The following GGPS1 variants were observed in gnomAD, a reference collection of about 807,000 sequenced individuals.
GGPS1 encodes geranylgeranyl diphosphate synthase 1, also known as geranylgeranyl pyrophosphate synthase.
A neutral mutation model predicts 28.1 loss-of-function variants in GGPS1; 15 were observed. The observed-to-expected ratio is 0.53, with a 90% CI of 0.36 to 0.82. GGPS1 has a LOEUF of 0.82. GGPS1 is among the 40% of genes least tolerant of loss of function. The pLI, the probability that GGPS1 is intolerant of heterozygous loss-of-function variation, is 0.01. For synonymous variants in GGPS1, 138 were observed against 122.4 expected (o/e 1.13, Z -0.84); for missense variants, 284 against 348.3 (o/e 0.82, Z 1.47).
intron 2 of GGPS1, among the ~76,000 whole-genome samples, chr1:235,340,681 A>G (rs868731076): frequency 7.4e-6 from 1 of 135,222 alleles, no homozygotes; most frequent in Non-Finnish European, 1.5e-5. Context: ...GCTTGCAGTG[A>G]GCCGAGATCG....
intron 2 of GGPS1, among the ~76,000 whole-genome samples, chr1:235,341,100 C>A (rs928546537): frequency 1.9e-4 from 29 of 152,222 alleles, no homozygotes; most frequent in Admixed American, 7.9e-4. Flanking sequence ...GAGGCCGATG[C>A]GGGTGTATCG....
chr1:235,343,108 TA>T lies in GGPS1; in HGVS notation c.*337del, dbSNP rs763138289. The T allele has an allele frequency of 3.2e-4, 60 of 189,668 alleles. 1 individual carries two copies. The highest frequency in any genetic ancestry group is 2.4e-3 in the Admixed American group (40 of 16,866). The allele number at this position is 189,668 out of a possible 1,614,324, so 11.7% of individuals were successfully genotyped here. ...ACTTGCTTCCAGGAATTTTTATCCATACACTTTCTAACTGTACTATCTGGGC... is the reference window on the plus strand; with the variant it reads ...ACTTGCTTCCAGGAATTTTTATCCATCACTTTCTAACTGTACTATCTGGGC... On this transcript the variant is annotated 3_prime_UTR_variant, in exon 4 of 4. Coordinates refer to ENST00000282841, the MANE Select transcript of GGPS1 (RefSeq NM_004837.4).
rs376480594 is a variant in GGPS1, at chr1:235,335,332, C to G, written c.68C>G (p.Pro23Arg). Residue 23 changes from proline to arginine, a missense_variant and splice_region_variant, in exon 2 of 4, where the codon CCA becomes CGA. Physicochemically the swap from Pro to Arg is moderately radical, Grantham distance 103. Coordinates refer to ENST00000282841, the MANE Select transcript of GGPS1 (RefSeq NM_004837.4). ...LEPYKYLLQL[P>R]GKQVRTKLSQ... ...CCCTATAAATACTTACTTCAGTTAC[C>G]AGGTAATACTTCACTTACAGTCCAT... 1.0e-5 allele frequency: 15 copies of G among 1,429,470 alleles called. No homozygotes were observed. Among genetic ancestry groups the G allele is most frequent in the Non-Finnish European group, 1.5e-5 (15 of 1,014,748 alleles). 88.5% of individuals were successfully genotyped at this position (1,429,470 alleles called of 1,614,324 possible). A position where few individuals can be genotyped will look rare whatever the true frequency, so the allele number is the denominator to read the frequency against.
At chr1:235,335,059 C>T (rs1215331726) in intron 1 of GGPS1, among the ~76,000 whole-genome samples, 183 bp from the exon 2 acceptor site, 1 of 152,180 alleles carries the variant, frequency 6.6e-6, no homozygotes, top group Non-Finnish European at 1.5e-5. Flanking sequence ...AAGCTATCCG[C>T]CCGCCTCAGC....
At chr1:235,338,361 G>A (rs906439193) in intron 2 of GGPS1, among the ~76,000 whole-genome samples, 13 of 151,270 alleles carry the variant, frequency 8.6e-5, no homozygotes, top group Admixed American at 5.3e-4. Context: ...CAGCCTGGGT[G>A]ATTAAGGGAG....
chr1:235,337,688 G>A (rs773211886), intron 2 of GGPS1, among the ~76,000 whole-genome samples: 1 of 151,976 alleles, frequency 6.6e-6, no homozygotes, highest in Non-Finnish European at 1.5e-5. Context: ...TATTAGCCAA[G>A]TATGGTAGCG....
rs533672018 is a variant in GGPS1 at position 235,340,690 on chromosome 1, C to T, written c.71-1018C>T. Among the ~76,000 whole-genome samples, 25 of 137,716 alleles carry T rather than the reference C, an allele frequency of 1.8e-4. No homozygotes were observed. In the South Asian group the frequency reaches 5.5e-3, roughly 30 times the overall value. 90.3% of individuals were successfully genotyped at this position (137,716 alleles called of 152,430 possible). ...GGCGGAGCTTGCAGTGAGCCGAGATCGCGCCACTGCACTCCAGCCTGGGCG... is the reference window on the plus strand; with the variant it reads ...GGCGGAGCTTGCAGTGAGCCGAGATTGCGCCACTGCACTCCAGCCTGGGCG... On this transcript the variant is annotated intron_variant, in intron 2 of 3. Transcript: ENST00000282841.
intron 1 of GGPS1, among the ~76,000 whole-genome samples, chr1:235,331,685 C>CT (rs1241041855): frequency 2.1e-5 from 3 of 143,114 alleles, no homozygotes; most frequent in African/African-American, 7.8e-5. Context: ...CAAAAGGTTT[C>CT]TGTGACCCAT....
intron 1 of GGPS1, 63 bp downstream of exon 1, chr1:235,328,841 A>T (rs902802006): frequency 1.3e-5 from 2 of 151,412 alleles, no homozygotes; most frequent in Non-Finnish European, 2.9e-5. Context: ...GGAGGCTGGG[A>T]GGCGGGGCAG....
intron 1 of GGPS1, among the ~76,000 whole-genome samples, chr1:235,333,267 C>G (rs116222647): frequency 0.022 from 3,385 of 151,802 alleles, 52 homozygotes; most frequent in Middle Eastern, 0.044. Context: ...CTGGCCCAGA[C>G]TTAGAAAAAA....
Position 235,341,659 on chromosome 1 carries a change from C to T in GGPS1, c.71-49C>T, listed in dbSNP as rs189888647. 37 of 1,009,386 alleles carry T rather than the reference C, an allele frequency of 3.7e-5. No homozygotes were observed. The East Asian group carries it at 8.5e-4, about 23-fold the overall frequency. The allele number at this position is 1,009,386 out of a possible 1,614,324, so 62.5% of individuals were successfully genotyped here. On this transcript the variant is annotated intron_variant, in intron 2 of 3. Transcript: ENST00000282841. ...ATGTGTTTTTTGTAGTTAAAATACTCATAATTAAAACACTTATCACATTGT... is the reference window on the plus strand; with the variant it reads ...ATGTGTTTTTTGTAGTTAAAATACTTATAATTAAAACACTTATCACATTGT...
At position 235,343,976 on chromosome 1, in the gene GGPS1, T is replaced by C. The variant is rs766495567; in HGVS notation, c.*1204T>C. On this transcript the variant is annotated 3_prime_UTR_variant, in exon 4 of 4. Coordinates refer to ENST00000282841, the MANE Select transcript of GGPS1 (RefSeq NM_004837.4). ...TGAATGGAAAGTGAGTAGGCATCTTTAATCGCCCTGATTAAAGGAAAGTGT... is the reference window on the plus strand; with the variant it reads ...TGAATGGAAAGTGAGTAGGCATCTTCAATCGCCCTGATTAAAGGAAAGTGT... The C allele has an allele frequency of 1.0e-4, 17 of 166,928 alleles. No individual in the cohort carries two copies. The highest frequency in any genetic ancestry group is 2.1e-4 in the Non-Finnish European group (14 of 68,096). The allele number at this position is 166,928 out of a possible 1,614,324, so 10.3% of individuals were successfully genotyped here.
intron 1 of GGPS1, among the ~76,000 whole-genome samples, chr1:235,331,755 T>C (rs1310277926): frequency 1.3e-5 from 2 of 152,092 alleles, no homozygotes; most frequent in African/African-American, 2.4e-5. Flanking sequence ...GTTATATGTG[T>C]GTGTTATTAT....
intron 1 of GGPS1, chr1:235,330,395 G>C (rs1272249819): frequency 6.6e-6 from 1 of 152,274 alleles, no homozygotes; most frequent in African/African-American, 2.4e-5. Context: ...TGAGGCAGGA[G>C]AATGGCGTGA....
At chr1:235,339,574 A>G (rs1675968158) in intron 2 of GGPS1, among the ~76,000 whole-genome samples, 1 of 152,098 alleles carries the variant, frequency 6.6e-6, no homozygotes, top group Admixed American at 6.5e-5. Context: ...AGCCTGGCCA[A>G]CATAGTGAAA....
rs1572276980 is a variant in GGPS1, at chr1:235,344,438, T to G, written c.*1666T>G. On this transcript the variant is annotated 3_prime_UTR_variant, in exon 4 of 4. Transcript: ENST00000282841. ...GCTATTGATGTTATAGTATGGAAAG[T>G]TGAACTTTATGAACCCATACTTTTA... 6.0e-6 allele frequency: 1 copy of G among 167,010 alleles called. No individual in the cohort carries two copies. Among genetic ancestry groups the G allele is most frequent in the Admixed American group, 6.6e-5 (1 of 15,240 alleles). The allele number at this position is 167,010 out of a possible 1,614,324, so 10.3% of individuals were successfully genotyped here. A position where few individuals can be genotyped will look rare whatever the true frequency, so the allele number is the denominator to read the frequency against.
chr1:235,328,232 A>C (rs1675500087), upstream of GGPS1: 1 of 108,172 alleles, frequency 9.2e-6, no homozygotes. Flanking sequence ...CCTCCCCTAG[A>C]TTTTTTTTCC....
chr1:235,333,567 C>CAAAAAA (rs112155157), intron 1 of GGPS1, among the ~76,000 whole-genome samples: 3 of 130,332 alleles, frequency 2.3e-5, no homozygotes, highest in Admixed American at 7.9e-5. Flanking sequence ...AACTCCGTCT[C>CAAAAAA]AAAAAAAAAA....
intron 2 of GGPS1, among the ~76,000 whole-genome samples, chr1:235,336,178 G>A (rs1191918176): frequency 6.6e-6 from 1 of 152,198 alleles, no homozygotes; most frequent in Non-Finnish European, 1.5e-5. Flanking sequence ...GGATCATGAG[G>A]TCAAGAGGTT....
Sources: allele counts gnomAD v4.1 joint callset (sites outside exome capture counted in the v4.1 genomes callset), GRCh38; gene constraint gnomAD v4.1.1; transcripts MANE v1.5; gene names NCBI Gene and HGNC (gene_info 2026-07-23, HGNC 2026-07-21).